ZNF610: variants seen among roughly 807,000 people sequenced by gnomAD.
The protein encoded by ZNF610 is zink finger protein.
Under a neutral mutation model 14.1 loss-of-function variants are expected in ZNF610, and 14 were observed. The observed-to-expected ratio is 0.99, with a 90% confidence interval of 0.65 to 1.55. ZNF610 has a LOEUF of 1.55. ZNF610 is among the 40% of genes most tolerant of loss of function. The pLI is 0.00. For missense variants in ZNF610, 530 were observed against 558.0 expected, an observed-to-expected ratio of 0.95 and a Z score of 0.51; for synonymous variants, 185 against 187.6, an observed-to-expected ratio of 0.99 and a Z score of 0.11.
At chr19:52,356,193 A>G (rs1216113774) in intron 5 of ZNF610, among the ~76,000 whole-genome samples, 2 of 152,202 alleles carry the variant, frequency 1.3e-5, no homozygotes, top group African/African-American at 2.4e-5. Context: ...CCCCTCAGCC[A>G]TTCTTCAGTT....
chr19:52,339,596 T>C (rs1036004956), intron 1 of ZNF610, among the ~76,000 whole-genome samples: 2 of 147,294 alleles, frequency 1.4e-5, no homozygotes, highest in Admixed American at 1.3e-4. Context: ...GGGCACAGGG[T>C]TGGGGCTAGG....
chr19:52,352,004 A>G (rs1985278239), intron 3 of ZNF610, among the ~76,000 whole-genome samples: 1 of 152,140 alleles, frequency 6.6e-6, no homozygotes, highest in African/African-American at 2.4e-5. Context: ...TCACAAAGCC[A>G]ATTGGTCTGT....
In ZNF610 at chr19:52,366,628, AC is replaced by A. The variant is rs1440622745; in HGVS notation, c.1252del (p.His418IlefsTer53). 6.2e-7 allele frequency: 1 copy of A among 1,614,160 alleles called. No individual in the cohort carries two copies. Among genetic ancestry groups the A allele is most frequent in the East Asian group, 2.2e-5 (1 of 44,882 alleles). ...KVFGRKLYLTNHQRIHTGERP... is the reference protein window; with the variant it reads ...KVFGRKLYLTXHQRIHTGERP... ...TTTGGGCGCAAATTATACCTAACCA[AC>A]CATCAGAGAATTCATACTGGAGAGA... is the stretch of plus-strand genomic sequence containing the variant. On this transcript the variant is annotated frameshift_variant, in exon 6 of 6. Transcript: ENST00000403906. LOFTEE classifies it low-confidence loss of function (END_TRUNC).
chr19:52,364,916 T>C (rs531794025), intron 5 of ZNF610, among the ~76,000 whole-genome samples: 3 of 152,134 alleles, frequency 2.0e-5, no homozygotes, highest in Admixed American at 2.0e-4. Context: ...CATATCATCA[T>C]CTTACTGCCT....
upstream of ZNF610, among the ~76,000 whole-genome samples, chr19:52,333,042 T>A (rs1039745318): frequency 1.3e-5 from 2 of 151,992 alleles, no homozygotes; most frequent in African/African-American, 2.4e-5. Context: ...AGCCCCAGTA[T>A]CATCAGGCCA....
At chr19:52,333,649 T>C (rs966782318), upstream of ZNF610, among the ~76,000 whole-genome samples, 1 of 152,188 alleles carries the variant, frequency 6.6e-6, no homozygotes, top group East Asian at 1.9e-4. Context: ...GGGAGAGAGA[T>C]TACAGAGGGC....
chr19:52,365,884 C>T lies in ZNF610; in HGVS notation c.506C>T (p.Ser169Phe). 1 of 1,613,260 alleles carries T rather than the reference C, an allele frequency of 6.2e-7. No homozygotes were observed. Among genetic ancestry groups the T allele is most frequent in the Non-Finnish European group, 8.5e-7 (1 of 1,179,802 alleles). Residue 169 changes from serine (S) to phenylalanine (F), a missense_variant, in exon 6 of 6, where the codon TCT becomes TTT. By Grantham distance (155) the Ser-to-Phe change is radical. Coordinates refer to ENST00000403906, the MANE Select transcript of ZNF610 (RefSeq NM_001161425.2). ...SSVSPLQKIS[S>F]SFTTHIFNKY... ...GTTTCACCACTTCAAAAAATTTCTT[C>T]TAGTTTCACAACACACATTTTTAAT...
At chr19:52,357,576 C>T (rs113777426) in intron 5 of ZNF610, among the ~76,000 whole-genome samples, 2,351 of 128,598 alleles carry the variant, frequency 0.018, 44 homozygotes, top group African/African-American at 0.059. Context: ...ACCCGGGAGG[C>T]GGAGCTTGCA....
At chr19:52,355,164 G>T (rs906705809) in intron 5 of ZNF610, among the ~76,000 whole-genome samples, 1 of 152,088 alleles carries the variant, frequency 6.6e-6, no homozygotes, top group African/African-American at 2.4e-5. Flanking sequence ...GTTGCCAGGG[G>T]TCTCTTTCCC....
intron 1 of ZNF610, chr19:52,345,586 C>G (rs756566532): frequency 6.6e-6 from 1 of 152,096 alleles, no homozygotes; most frequent in African/African-American, 2.4e-5. Context: ...AAAAAAAAAT[C>G]CAGGAACTTT....
intron 1 of ZNF610, among the ~76,000 whole-genome samples, chr19:52,344,572 A>G (rs932313640): frequency 1.3e-5 from 2 of 152,142 alleles, no homozygotes; most frequent in African/African-American, 2.4e-5. Flanking sequence ...GCCTCCTTAC[A>G]GAGATTCTGA....
chr19:52,331,186 G>T, the ZNF610 span, among the ~76,000 whole-genome samples: 4 of 152,058 alleles, frequency 2.6e-5, no homozygotes, highest in African/African-American at 9.7e-5. Context: ...CATCCAAAGG[G>T]GATTAAGTAA....
intron 5 of ZNF610, among the ~76,000 whole-genome samples, chr19:52,362,788 T>G (rs560232897): frequency 6.6e-6 from 1 of 152,338 alleles, no homozygotes; most frequent in South Asian, 2.1e-4. Flanking sequence ...TGTAGACTTC[T>G]AAATGTTTAA....
At chr19:52,341,738 T>C (rs1395299011) in intron 1 of ZNF610, among the ~76,000 whole-genome samples, 1 of 152,124 alleles carries the variant, frequency 6.6e-6, no homozygotes, top group Admixed American at 6.6e-5. Context: ...ATGATCCTCC[T>C]GCCTCAGTCT....
chr19:52,356,403 C>T (rs1416197848), intron 5 of ZNF610, among the ~76,000 whole-genome samples: 1 of 152,190 alleles, frequency 6.6e-6, no homozygotes, highest in Non-Finnish European at 1.5e-5. Context: ...ACCACTGTTA[C>T]TTTCATCTTG....
Position 52,336,335 on chromosome 19 carries a change from C to T in ZNF610, c.-429C>T, listed in dbSNP as rs1275383936. On this transcript the variant is annotated 5_prime_UTR_variant, in exon 1 of 6. Transcript: ENST00000403906. ...ATTCAATCTGGGCTTCCCAGCTCCC[C>T]CGCGCTTCTGTACCCGGGATCTGAG... The T allele has an allele frequency of 1.0e-5, 3 of 288,946 alleles. No homozygotes were observed. The highest frequency in any genetic ancestry group is 2.0e-5 in the Non-Finnish European group (3 of 153,712). The allele number at this position is 288,946 out of a possible 1,614,324, so 17.9% of individuals were successfully genotyped here.
At chr19:52,349,062 G>T (rs143951904) in intron 2 of ZNF610, 92 bp from the exon 3 acceptor site, 16 of 847,828 alleles carry the variant, frequency 1.9e-5, no homozygotes, top group Non-Finnish European at 2.6e-5. Flanking sequence ...ACATCTTTCC[G>T]CAGGATTAGG....
chr19:52,346,988 A>G (rs1216188985), intron 1 of ZNF610: 1 of 152,252 alleles, frequency 6.6e-6, no homozygotes, highest in African/African-American at 2.4e-5. Context: ...GCGGCCTCCC[A>G]AAGTGCTGGG....
chr19:52,366,024 CG>C lies in ZNF610; in HGVS notation c.647del (p.Arg216LeufsTer9), dbSNP rs757461014. ...CSEDGEVFRV[R>X]ASLTNHQVIH... The stretch of plus-strand genomic sequence containing the variant: ...TGAAGATGGTGAAGTTTTTAGAGTC[CG>C]TGCAAGCCTTACTAACCATCAAGTA... On this transcript the variant is annotated frameshift_variant, in exon 6 of 6. Transcript: ENST00000403906. LOFTEE classifies it low-confidence loss of function (END_TRUNC). 1.4e-5 allele frequency: 22 copies of C among 1,613,804 alleles called. No homozygotes were observed. In the South Asian group the frequency reaches 2.1e-4, roughly 15 times the overall value.
Sources: gnomAD v4.1 joint callset for allele counts (sites outside exome capture counted in the v4.1 genomes callset) on GRCh38, gnomAD v4.1.1 for gene constraint, MANE v1.5 for transcripts, NCBI Gene and HGNC (gene_info 2026-07-23, HGNC 2026-07-21) for gene names.